The following TM7SF2 variants were observed in gnomAD, a reference collection of about 807,000 sequenced individuals.
The protein encoded by TM7SF2 is delta(14)-sterol reductase TM7SF2.
Under a neutral mutation model 51.0 loss-of-function variants are expected in TM7SF2, and 51 were observed. The ratio of observed to expected loss-of-function variants is 1.00; its 90% CI spans 0.80 to 1.26. The LOEUF (loss-of-function observed/expected upper bound fraction) is 1.26, where lower values mean the gene tolerates loss of function less well. Ranked by LOEUF, TM7SF2 falls within the 50% of genes most tolerant of loss-of-function variation. TM7SF2 has a pLI of 0.00. For synonymous variants in TM7SF2, 255 were observed against 241.0 expected (o/e 1.06, Z -0.54); for missense variants, 541 against 547.4 (o/e 0.99, Z 0.12).
At chr11:65,115,782 C>A (rs761738080) in intron 9 of TM7SF2, 111 bp from the exon 10 acceptor site, 1 of 1,584,366 alleles carries the variant, frequency 6.3e-7, no homozygotes. Flanking sequence ...CAGACCCTGG[C>A]GCTTTTGCTG....
At chr11:65,114,876 G>C in intron 6 of TM7SF2, 37 bp from the exon 7 acceptor site, 1 of 1,614,194 alleles carries the variant, frequency 6.2e-7, no homozygotes, top group Non-Finnish European at 8.5e-7. Context: ...GGGCCGCATA[G>C]GGACTAAGCC....
chr11:65,112,494 A>G (rs1428420127), intron 1 of TM7SF2, 21 bp from the exon 2 acceptor site: 9 of 1,502,356 alleles, frequency 6.0e-6, no homozygotes, highest in Non-Finnish European at 7.9e-6. Flanking sequence ...CGGACGCCCG[A>G]CGTGATGGCC....
chr11:65,116,131 T>C lies in TM7SF2; in HGVS notation c.*78T>C. 2.6e-6 allele frequency: 4 copies of C among 1,527,242 alleles called. No individual in the cohort carries two copies. The highest frequency in any genetic ancestry group is 3.5e-6 in the Non-Finnish European group (4 of 1,134,632). The allele number at this position is 1,527,242 out of a possible 1,614,324, so 94.6% of individuals were successfully genotyped here. On this transcript the variant is annotated 3_prime_UTR_variant, in exon 10 of 10. Coordinates refer to ENST00000279263, the MANE Select transcript of TM7SF2 (RefSeq NM_003273.6). Reference sequence around the variant, plus strand: ...CCCAGGACCAGGAGCCTCGACACACTTGGGACTCAAGGGCTTGCACCCCAC... The same window carrying C: ...CCCAGGACCAGGAGCCTCGACACACCTGGGACTCAAGGGCTTGCACCCCAC...
Position 65,114,715 on chromosome 11 carries a change from C to T in TM7SF2, c.606C>T (p.Val202=), listed in dbSNP as rs779642530. The T allele has an allele frequency of 6.2e-7, 1 of 1,613,884 alleles. No individual in the cohort carries two copies. Among genetic ancestry groups the T allele is most frequent in the East Asian group, 2.2e-5 (1 of 44,888 alleles). ...CELRPGLIGW[V]LINLALLMKE... is the part of the protein sequence containing the mutation. ...ATTGCCTTGTTCCCTCTCCCCAGGT[C>T]CTCATCAACCTGGCCCTGTTGATGA... Residue 202 remains valine, a splice_region_variant and synonymous_variant, in exon 6 of 10, where the codon GTC becomes GTT. Coordinates refer to ENST00000279263, the MANE Select transcript of TM7SF2 (RefSeq NM_003273.6).
chr11:65,112,420 G>T, intron 1 of TM7SF2, 95 bp from the exon 2 acceptor site: 9 of 1,327,410 alleles, frequency 6.8e-6, no homozygotes, highest in Middle Eastern at 2.7e-4. Context: ...TGGGAATGCC[G>T]AGAGGGTCCC....
In TM7SF2 at chr11:65,115,472, C is replaced by T; in HGVS notation, c.974-4C>T. The T allele has an allele frequency of 6.2e-7, 1 of 1,614,140 alleles. No individual in the cohort carries two copies. The highest frequency in any genetic ancestry group is 1.7e-5 in the Admixed American group (1 of 60,020). On this transcript the variant is annotated splice_polypyrimidine_tract_variant and splice_region_variant and intron_variant, in intron 8 of 9. Coordinates refer to ENST00000279263, the MANE Select transcript of TM7SF2 (RefSeq NM_003273.6). ...GAACTCTCCACCCTGCTGTCTTTCC[C>T]CAGGGCTTGAGACCATCTCTACAGC...
intron 1 of TM7SF2, chr11:65,112,278 CGACTGG>C (rs2137199269): frequency 1.6e-6 from 1 of 644,966 alleles, no homozygotes; most frequent in African/African-American, 1.9e-5. Flanking sequence ...TTTATGGTGT[CGACTGG>C]GAGCAGGAGG....
chr11:65,115,042 C>T lies in TM7SF2; in HGVS notation c.853C>T (p.Leu285=), dbSNP rs1216715612. Residue 285 remains leucine (L), a synonymous_variant, in exon 7 of 10, where the codon CTG becomes TTG. Coordinates refer to ENST00000279263, the MANE Select transcript of TM7SF2 (RefSeq NM_003273.6). ...AQFLLHHPQP[L]GLPMASVICL... ...GTTCCTGCTGCACCACCCGCAGCCCCTGGGGTTGCCCATGGCCTCTGTCAT... is the reference window on the plus strand; with the variant it reads ...GTTCCTGCTGCACCACCCGCAGCCCTTGGGGTTGCCCATGGCCTCTGTCAT... 4 of 1,613,904 alleles carry T rather than the reference C, an allele frequency of 2.5e-6. No individual in the cohort carries two copies. Among genetic ancestry groups the T allele is most frequent in the Admixed American group, 3.3e-5 (2 of 60,012 alleles).
chr11:65,114,673 C>A, intron 5 of TM7SF2, 40 bp from the exon 6 acceptor site: 1 of 1,603,448 alleles, frequency 6.2e-7, no homozygotes, highest in South Asian at 1.1e-5. Context: ...CCCAAGGCTG[C>A]CACTTCTGTG....
rs538373333 is a variant in TM7SF2 at position 65,113,774 on chromosome 11, CA to C, written c.603+186del. On this transcript the variant is annotated intron_variant, in intron 5 of 9. Coordinates refer to ENST00000279263, the MANE Select transcript of TM7SF2 (RefSeq NM_003273.6). ...TGGGAGACAAAAATAAAGTTAGAGG[CA>C]AAAAAGCATCTTTGCTGCAGAGAGC... 1.0e-3 allele frequency: 627 copies of C among 622,162 alleles called. 2 individuals are homozygous for C. Among genetic ancestry groups the C allele is most frequent in the Non-Finnish European group, 1.6e-3 (552 of 355,384 alleles). 38.5% of individuals were successfully genotyped at this position (622,162 alleles called of 1,614,324 possible).
intron 5 of TM7SF2, chr11:65,113,892 G>A (rs1947944371): frequency 4.6e-6 from 2 of 431,526 alleles, no homozygotes; most frequent in Non-Finnish European, 8.5e-6. Flanking sequence ...ATTCTCAACA[G>A]CAGTCAAGCA....
At position 65,113,275 on chromosome 11, in the gene TM7SF2, G is replaced by T; in HGVS notation, c.360G>T (p.Gly120=). Residue 120 remains glycine (G), a synonymous_variant, in exon 4 of 10, where the codon GGG becomes GGT. Transcript: ENST00000279263. Reference sequence around the variant, plus strand: ...TGGTGGGGCTGGGGATGTCAGCGGGGCTGCCTCTGGGGGCGCTCCCGGAAA... The same window carrying T: ...TGGTGGGGCTGGGGATGTCAGCGGGTCTGCCTCTGGGGGCGCTCCCGGAAA... The part of the protein sequence containing the change: ...ALLVGLGMSA[G]LPLGALPEML... 6.2e-7 allele frequency: 1 copy of T among 1,609,368 alleles called. No individual in the cohort carries two copies. Among genetic ancestry groups the T allele is most frequent in the African/African-American group, 1.3e-5 (1 of 75,044 alleles).
rs1425952804 is a variant in TM7SF2 at position 65,115,234 on chromosome 11, G to A, written c.893-80G>A. On this transcript the variant is annotated intron_variant, in intron 7 of 9. Coordinates refer to ENST00000279263, the MANE Select transcript of TM7SF2 (RefSeq NM_003273.6). ...GGGTCCAGGCAGAGTCTGGGCTGCA[G>A]ACAAGTTGGGCAGATGTTCGGGGTC... is the stretch of plus-strand genomic sequence containing the variant. 11 of 1,596,404 alleles carry A rather than the reference G, an allele frequency of 6.9e-6. No homozygotes were observed. In the South Asian group the frequency reaches 8.8e-5, roughly 13 times the overall value.
rs1422539922 is a variant in TM7SF2, at chr11:65,112,651, G to A, written c.189G>A (p.Leu63=). The A allele has an allele frequency of 7.8e-6, 12 of 1,539,946 alleles. No individual in the cohort carries two copies. The highest frequency in any genetic ancestry group is 4.0e-5 in the Admixed American group (2 of 50,368). The change falls in exon 2 of 10, where the codon CTG becomes CTA. Residue 63 remains leucine, a synonymous_variant. Coordinates refer to ENST00000279263, the MANE Select transcript of TM7SF2 (RefSeq NM_003273.6). The part of the protein sequence containing the change: ...GLEVLWSPRA[L]LLWLAWLGLQ... ...AGGTGCTGTGGAGCCCACGGGCGCT[G>A]CTGCTGTGGCTCGCCTGGCTCGGCC...
Position 65,112,570 on chromosome 11 carries a change from G to C in TM7SF2, c.108G>C (p.Ala36=). The C allele has an allele frequency of 1.3e-6, 2 of 1,522,430 alleles. No homozygotes were observed. Among genetic ancestry groups the C allele is most frequent in the Non-Finnish European group, 1.7e-6 (2 of 1,143,884 alleles). 94.3% of individuals were successfully genotyped at this position (1,522,430 alleles called of 1,614,324 possible). A position where few individuals can be genotyped will look rare whatever the true frequency, so the allele number is the denominator to read the frequency against. ...CCACCATGTTCCACCTGCTCCTGGCGGCCCGTTCGGGCCCCGCGCGCCTGC... is the reference window on the plus strand; with the variant it reads ...CCACCATGTTCCACCTGCTCCTGGCCGCCCGTTCGGGCCCCGCGCGCCTGC... ...LPATMFHLLL[A]ARSGPARLLG... Residue 36 remains alanine, a synonymous_variant, in exon 2 of 10, where the codon GCG becomes GCC. Coordinates refer to ENST00000279263, the MANE Select transcript of TM7SF2 (RefSeq NM_003273.6).
Position 65,112,022 on chromosome 11 carries a change from C to G in TM7SF2, c.7C>G (p.Pro3Ala). The G allele has an allele frequency of 6.3e-7, 1 of 1,589,008 alleles. No individual in the cohort carries two copies. The highest frequency in any genetic ancestry group is 8.6e-7 in the Non-Finnish European group (1 of 1,168,956). Residue 3 changes from proline to alanine, a missense_variant, in exon 1 of 10, where the codon CCC (proline) becomes GCC (alanine). By Grantham distance (27) the Pro-to-Ala change is conservative. Transcript: ENST00000279263. MA[P>A]TQGPRAPLEF... Reference sequence around the variant, plus strand: ...CTCCGGCGGAGCGGAGACCATGGCCCCCACTCAGGGCCCCCGGGCCCCGCT... The same window carrying G: ...CTCCGGCGGAGCGGAGACCATGGCCGCCACTCAGGGCCCCCGGGCCCCGCT...
rs766016020 is a variant in TM7SF2, at chr11:65,115,972, G to T, written c.1176G>T (p.Arg392=). ...LLVHREARDE[R]QCLQKYGLAW... is the part of the protein sequence containing the mutation. The stretch of plus-strand genomic sequence containing the variant: ...TGCACCGTGAGGCCCGGGATGAGCG[G>T]CAGTGCCTGCAGAAGTACGGCCTGG... Residue 392 remains arginine (R), a synonymous_variant, in exon 10 of 10, where the codon CGG becomes CGT. Coordinates refer to ENST00000279263, the MANE Select transcript of TM7SF2 (RefSeq NM_003273.6). 6.2e-7 allele frequency: 1 copy of T among 1,613,682 alleles called. No homozygotes were observed. The highest frequency in any genetic ancestry group is 1.1e-5 in the South Asian group (1 of 91,084).
chr11:65,111,907 C>T lies in TM7SF2; in HGVS notation c.-109C>T, dbSNP rs906015444. On this transcript the variant is annotated 5_prime_UTR_variant, in exon 1 of 10. Coordinates refer to ENST00000279263, the MANE Select transcript of TM7SF2 (RefSeq NM_003273.6). ...CGTGTCCAGGCAGGTGCAGGCGCCG[C>T]GGGGCCGGATCCTCCGCGCGGCCGA... 4 of 1,286,788 alleles carry T rather than the reference C, an allele frequency of 3.1e-6. No individual in the cohort carries two copies. Among genetic ancestry groups the T allele is most frequent in the Non-Finnish European group, 2.2e-6 (2 of 909,158 alleles). The allele number at this position is 1,286,788 out of a possible 1,614,324, so 79.7% of individuals were successfully genotyped here. A position where few individuals can be genotyped will look rare whatever the true frequency, so the allele number is the denominator to read the frequency against.
chr11:65,112,525 T>C lies in TM7SF2; in HGVS notation c.63T>C (p.Ala21=). The C allele has an allele frequency of 6.6e-7, 1 of 1,526,586 alleles. No homozygotes were observed. Among genetic ancestry groups the C allele is most frequent in the Non-Finnish European group, 8.7e-7 (1 of 1,146,214 alleles). 94.6% of individuals were successfully genotyped at this position (1,526,586 alleles called of 1,614,324 possible). A position where few individuals can be genotyped will look rare whatever the true frequency, so the allele number is the denominator to read the frequency against. ...LEFGGPLGAA[A]LLLLLPATMF... The stretch of plus-strand genomic sequence containing the variant: ...TGGCCCTTCCCGCAGGCGCCGCGGC[T>C]CTGCTACTGCTGCTGCCCGCCACCA... The change falls in exon 2 of 10, where the codon GCT becomes GCC. Residue 21 remains alanine (A), a synonymous_variant. Transcript: ENST00000279263.
Sources: allele counts gnomAD v4.1 joint callset, GRCh38; gene constraint gnomAD v4.1.1; transcripts MANE v1.5; gene names NCBI Gene and HGNC (gene_info 2026-07-23, HGNC 2026-07-21).